The following HIP1R variants were observed in gnomAD, a reference collection of about 807,000 sequenced individuals.
HIP1R encodes the protein huntingtin interacting protein 1 related, also known as huntingtin-interacting protein 1-related protein.
In HIP1R, 135 loss-of-function variants were observed where a neutral mutation model predicts 144.2. The ratio of observed to expected loss-of-function variants is 0.94; its 90% confidence interval spans 0.81 to 1.08. The LOEUF is 1.08. Among genes scored for constraint, HIP1R ranks in the 50% least tolerant of loss-of-function variants. HIP1R has a pLI of 0.00. For synonymous variants in HIP1R, 698 were observed against 612.8 expected, an observed-to-expected ratio of 1.14 and a Z score of -2.05; for missense variants, 1,462 against 1,432.8, an observed-to-expected ratio of 1.02 and a Z score of -0.33.
rs371288388 is a variant in HIP1R at position 122,860,440 on chromosome 12, G to A, written c.2577G>A (p.Gln859=). The change falls in exon 27 of 32, where the codon CAG becomes CAA. Residue 859 remains glutamine (Q), a synonymous_variant. Transcript: ENST00000253083. ...GCCACTAGGGGGCAGCCACGCAGCA[G>A]GAATTTTACGCCAAGAACTCGCGCT... ...VESGRGAATQ[Q]EFYAKNSRWT... 3.5e-5 allele frequency: 57 copies of A among 1,613,456 alleles called. No homozygotes were observed. The East Asian group carries it at 5.6e-4, about 16-fold the overall frequency.
chr12:122,848,707 T>TC, intron 3 of HIP1R, 89 bp from the exon 4 acceptor site: 1 of 1,596,886 alleles, frequency 6.3e-7, no homozygotes, highest in East Asian at 2.2e-5. Context: ...TCCGGGCTGT[T>TC]CCTCCCGCCT....
At position 122,861,890 on chromosome 12, in the gene HIP1R, C is replaced by T; in HGVS notation, c.*137C>T. 1.3e-6 allele frequency: 1 copy of T among 754,770 alleles called. No homozygotes were observed. The highest frequency in any genetic ancestry group is 1.8e-5 in the South Asian group (1 of 56,430). 46.8% of individuals were successfully genotyped at this position (754,770 alleles called of 1,614,324 possible). A position where few individuals can be genotyped will look rare whatever the true frequency, so the allele number is the denominator to read the frequency against. Reference sequence around the variant, plus strand: ...CCGTCTGGATCAATGTCCTCAAGGCCCCTGGCCCTTACTGAGCCTGCAGGG... The same window carrying T: ...CCGTCTGGATCAATGTCCTCAAGGCTCCTGGCCCTTACTGAGCCTGCAGGG... On this transcript the variant is annotated 3_prime_UTR_variant, in exon 32 of 32. Transcript: ENST00000253083.
rs1265388394 is a variant in HIP1R, at chr12:122,854,227, T to C, written c.718+44T>C. On this transcript the variant is annotated intron_variant, in intron 8 of 31. Transcript: ENST00000253083. The stretch of plus-strand genomic sequence containing the variant: ...CCCCTGGCCCGGAAGGCTGTGTTTA[T>C]ATGGCTTAGACATTCACTGTCAAAA... The C allele has an allele frequency of 5.1e-6, 8 of 1,583,060 alleles. No homozygotes were observed. In the East Asian group the frequency reaches 6.8e-5, roughly 13 times the overall value.
intron 1 of HIP1R, among the ~76,000 whole-genome samples, chr12:122,844,884 T>C (rs4759352): frequency 0.95 from 144,020 of 152,166 alleles, 68,197 homozygotes; most frequent in East Asian, 0.98. Flanking sequence ...AGGGGCCACA[T>C]GGGGCACAAA....
chr12:122,836,020 G>A lies in HIP1R; in HGVS notation c.93+377G>A, dbSNP rs1384926246. 1.3e-5 allele frequency among the ~76,000 whole-genome samples: 2 copies of A among 151,744 alleles called. No individual in the cohort carries two copies. Among genetic ancestry groups the A allele is most frequent in the Non-Finnish European group, 2.9e-5 (2 of 67,858 alleles). On this transcript the variant is annotated intron_variant, in intron 1 of 31. Transcript: ENST00000253083. This position sits in a 1 kb window ranked among gnomAD's most constrained non-coding sequence, Gnocchi z 4.1. ...TGGGTGTGCGCGAGCCCAGCGCGCC[G>A]GGGGTCGAGGGGGCTGGGGATCCAG...
At chr12:122,848,646 G>A (rs749098815) in intron 3 of HIP1R, 38 bp downstream of exon 3, 1 of 1,599,394 alleles carries the variant, frequency 6.3e-7, no homozygotes, top group Non-Finnish European at 8.5e-7. Flanking sequence ...CCGGAGCTGG[G>A]GCACTGTCCC....
Position 122,835,539 on chromosome 12 carries a change from G to A in HIP1R, c.-12G>A, listed in dbSNP as rs371920695. On this transcript the variant is annotated 5_prime_UTR_variant, in exon 1 of 32. Transcript: ENST00000253083. ...CGGACGGAGCCGGACAAAAGCGGGC[G>A]GCGGCGGCAGGATGAACAGCATCAA... The A allele has an allele frequency of 1.9e-3, 2,553 of 1,337,736 alleles. 2 individuals are homozygous for A. Among genetic ancestry groups the A allele is most frequent in the Non-Finnish European group, 2.4e-3 (2,454 of 1,036,976 alleles). 82.9% of individuals were successfully genotyped at this position (1,337,736 alleles called of 1,614,324 possible).
intron 4 of HIP1R, 95 bp downstream of exon 4, chr12:122,848,947 C>T (rs1325243609): frequency 3.4e-5 from 45 of 1,331,468 alleles, no homozygotes; most frequent in Non-Finnish European, 4.3e-5. Context: ...CAGTTCCCTG[C>T]GGGTGGCTGG....
chr12:122,856,961 G>A (rs1239284468), intron 17 of HIP1R, 60 bp from the exon 18 acceptor site: 2 of 1,480,128 alleles, frequency 1.4e-6, no homozygotes, highest in Non-Finnish European at 1.8e-6. Context: ...AAGCGTGGGG[G>A]CAGGGTGGGT....
intron 1 of HIP1R, among the ~76,000 whole-genome samples, chr12:122,847,740 G>A (rs1391887048): frequency 6.6e-6 from 1 of 152,208 alleles, no homozygotes; most frequent in Non-Finnish European, 1.5e-5. Context: ...TGCCAGGAGA[G>A]TCAAGTCGTG....
chr12:122,846,268 A>G (rs895787622), intron 1 of HIP1R, among the ~76,000 whole-genome samples: 2 of 152,220 alleles, frequency 1.3e-5, no homozygotes, highest in Non-Finnish European at 2.9e-5. Context: ...GGAATCAGAC[A>G]GACCTGGCTT....
At position 122,856,263 on chromosome 12, in the gene HIP1R, C is replaced by T; in HGVS notation, c.1320C>T (p.Ala440=). Residue 440 remains alanine (A), a synonymous_variant, in exon 15 of 32, where the codon GCC becomes GCT. Transcript: ENST00000253083. ...QGLREEAERK[A]SATEARYNKL... is the part of the protein sequence containing the mutation. ...CCCTCCTCTCGCCCCCAGGGAAGGCCAGTGCCACGGAGGCGCGCTACAACA... is the reference window on the plus strand; with the variant it reads ...CCCTCCTCTCGCCCCCAGGGAAGGCTAGTGCCACGGAGGCGCGCTACAACA... 6.2e-7 allele frequency: 1 copy of T among 1,613,792 alleles called. No individual in the cohort carries two copies. Among genetic ancestry groups the T allele is most frequent in the Non-Finnish European group, 8.5e-7 (1 of 1,179,986 alleles).
Position 122,855,909 on chromosome 12 carries a change from G to A in HIP1R, c.1128+6G>A, listed in dbSNP as rs1193975246. On this transcript the variant is annotated splice_donor_region_variant and intron_variant, in intron 13 of 31. Coordinates refer to ENST00000253083, the MANE Select transcript of HIP1R (RefSeq NM_003959.3). ...TGGAGAAGATCAAGCTGGAGGTGCG[G>A]GGTGGGGATGGGTGGGGGCCAGGGC... is the stretch of plus-strand genomic sequence containing the variant. The A allele has an allele frequency of 6.4e-7, 1 of 1,561,502 alleles. No homozygotes were observed. The highest frequency in any genetic ancestry group is 8.7e-7 in the Non-Finnish European group (1 of 1,152,364).
intron 21 of HIP1R, 52 bp downstream of exon 21, chr12:122,858,997 C>T: frequency 6.2e-7 from 1 of 1,606,116 alleles, no homozygotes; most frequent in Non-Finnish European, 8.5e-7. Context: ...GCTTGTCTCC[C>T]CTGGGGGTCC....
chr12:122,841,476 CAG>C (rs1296263155), intron 1 of HIP1R, among the ~76,000 whole-genome samples: 30 of 152,212 alleles, frequency 2.0e-4, no homozygotes, highest in Admixed American at 2.0e-3. Context: ...AGTGGATGCT[CAG>C]GGGCCAGTGG....
intron 31 of HIP1R, 82 bp from the exon 32 acceptor site, chr12:122,861,624 C>CA: frequency 1.3e-6 from 2 of 1,583,396 alleles, no homozygotes; most frequent in Non-Finnish European, 1.7e-6. Context: ...TGACAACATG[C>CA]AGGGAGGAGC....
chr12:122,858,170 T>A lies in HIP1R; in HGVS notation c.1884T>A (p.Ala628=). The change falls in exon 19 of 32, where the codon GCT becomes GCA. Residue 628 remains alanine (A), a synonymous_variant. Transcript: ENST00000253083. The stretch of plus-strand genomic sequence containing the variant: ...AGTTCGCAGTGTTGCGGGGCGCTGC[T>A]GCCGAGGCCGCGGGCATCCTGCAGG... ...DEQFAVLRGA[A]AEAAGILQDA... 1 of 1,607,288 alleles carries A rather than the reference T, an allele frequency of 6.2e-7. No homozygotes were observed. Among genetic ancestry groups the A allele is most frequent in the Non-Finnish European group, 8.5e-7 (1 of 1,178,416 alleles).
chr12:122,851,394 C>T, intron 7 of HIP1R, 97 bp downstream of exon 7: 1 of 1,021,874 alleles, frequency 9.8e-7, no homozygotes, highest in Non-Finnish European at 1.4e-6. Context: ...ATCAGACCAA[C>T]TGATCACTAT....
In HIP1R at chr12:122,856,463, C is replaced by G; in HGVS notation, c.1433C>G (p.Thr478Arg). 1 of 1,589,020 alleles carries G rather than the reference C, an allele frequency of 6.3e-7. No homozygotes were observed. Among genetic ancestry groups the G allele is most frequent in the Non-Finnish European group, 8.6e-7 (1 of 1,167,352 alleles). The part of the protein sequence containing the change: ...NADTAKQLTV[T>R]QQSQEEVARV... The stretch of plus-strand genomic sequence containing the variant: ...GACACAGCCAAGCAGCTGACGGTGA[C>G]GCAGCAAAGCCAGGAGGAGGTGGCG... The change falls in exon 16 of 32, where the codon ACG (threonine) becomes AGG (arginine). Residue 478 changes from threonine to arginine, a missense_variant. By Grantham distance (71) the Thr-to-Arg change is moderately conservative. Transcript: ENST00000253083.
Sources: allele counts gnomAD v4.1 joint callset (sites outside exome capture counted in the v4.1 genomes callset), GRCh38; gene constraint gnomAD v4.1.1; non-coding constraint Gnocchi (gnomAD v3.1); transcripts MANE v1.5; gene names NCBI Gene and HGNC (gene_info 2026-07-23, HGNC 2026-07-21).